The following STPG4 variants were observed in gnomAD, a reference collection of about 807,000 sequenced individuals.
The protein encoded by STPG4 is protein STPG4.
STPG4 carries 41 observed loss-of-function variants against 31.5 expected under a neutral mutation model. The observed-to-expected ratio is 1.30, with a 90% CI of 1.01 to 1.69. STPG4 has a LOEUF of 1.69. Ranked by LOEUF, STPG4 falls within the 40% of genes most tolerant of loss-of-function variation. STPG4 has a pLI of 0.00. For synonymous variants in STPG4, 141 were observed against 103.0 expected, an observed-to-expected ratio of 1.37 and a Z score of -2.24; for missense variants, 375 against 293.4, an observed-to-expected ratio of 1.28 and a Z score of -2.03.
chr2:47,111,743 A>C (rs1686039656), intron 5 of STPG4, among the ~76,000 whole-genome samples: 1 of 152,178 alleles, frequency 6.6e-6, no homozygotes, highest in African/African-American at 2.4e-5. Flanking sequence ...GCACATGTAG[A>C]TACTCTCCTC....
chr2:47,091,620 G>A (rs912112638), intron 5 of STPG4, among the ~76,000 whole-genome samples: 1 of 152,204 alleles, frequency 6.6e-6, no homozygotes, highest in Non-Finnish European at 1.5e-5. Flanking sequence ...GCAGGAGTTA[G>A]GGGAAGTGGG....
intron 5 of STPG4, among the ~76,000 whole-genome samples, chr2:47,113,903 G>A (rs549890943): frequency 4.0e-5 from 6 of 150,816 alleles, no homozygotes; most frequent in Middle Eastern, 3.5e-3. Flanking sequence ...GTGTGGTGGC[G>A]GGCGCCTGTA....
chr2:47,093,810 A>G (rs1685620047), intron 5 of STPG4, among the ~76,000 whole-genome samples: 1 of 152,230 alleles, frequency 6.6e-6, no homozygotes, highest in South Asian at 2.1e-4. Flanking sequence ...GCACTGAGGA[A>G]GTGGATATAA....
At chr2:47,124,711 T>G (rs1480938706) in intron 5 of STPG4, among the ~76,000 whole-genome samples, 1 of 152,240 alleles carries the variant, frequency 6.6e-6, no homozygotes, top group Non-Finnish European at 1.5e-5. Context: ...ATCTTGGTTA[T>G]TGTGAACAGT....
chr2:47,088,396 G>A (rs966888856), intron 6 of STPG4, among the ~76,000 whole-genome samples: 2 of 152,212 alleles, frequency 1.3e-5, no homozygotes, highest in African/African-American at 2.4e-5. Flanking sequence ...GAAGGCATTT[G>A]AGACACCAGT....
intron 5 of STPG4, among the ~76,000 whole-genome samples, chr2:47,123,629 C>T (rs1686314724): frequency 1.3e-5 from 2 of 152,204 alleles, no homozygotes; most frequent in Non-Finnish European, 2.9e-5. Flanking sequence ...GTAAAGGAGC[C>T]GAACATTTTC....
chr2:47,130,103 A>G, intron 4 of STPG4, 93 bp downstream of exon 4: 5 of 1,470,672 alleles, frequency 3.4e-6, no homozygotes, highest in Non-Finnish European at 4.7e-6. Flanking sequence ...GTTAATTTGC[A>G]TATGAGGTGC....
rs10538224 is a variant in STPG4, at chr2:47,121,847, C to CGTGTGTGTGTGTGT, written c.519+8080_519+8093dup. Among the ~76,000 whole-genome samples the CGTGTGTGTGTGTGT allele has an allele frequency of 2.4e-3, 341 of 144,310 alleles. 2 individuals are homozygous for CGTGTGTGTGTGTGT. Among genetic ancestry groups the CGTGTGTGTGTGTGT allele is most frequent in the African/African-American group, 2.9e-3 (112 of 38,120 alleles). 94.7% of individuals were successfully genotyped at this position (144,310 alleles called of 152,430 possible). A position where few individuals can be genotyped will look rare whatever the true frequency, so the allele number is the denominator to read the frequency against. ...TTCTATATTTGAATTGCCCTCTCCT[C>CGTGTGTGTGTGTGT]GTGTGTGTGTGTGTGTGTGTGTGTG... is the stretch of plus-strand genomic sequence containing the variant. On this transcript the variant is annotated intron_variant, in intron 5 of 6. Transcript: ENST00000445927.
At chr2:47,151,221 C>G (rs200221821) in intron 3 of STPG4, 37 bp downstream of exon 3, 2 of 1,608,290 alleles carry the variant, frequency 1.2e-6, no homozygotes, top group African/African-American at 2.7e-5. Flanking sequence ...CTCTTAGTAG[C>G]TTTCCCACAC....
Position 47,104,340 on chromosome 2 carries a change from TC to T in STPG4, c.520-13967del, listed in dbSNP as rs1685859233. On this transcript the variant is annotated intron_variant, in intron 5 of 6. Coordinates refer to ENST00000445927, the MANE Select transcript of STPG4 (RefSeq NM_001163561.2). ...ACGGCTTAGTAAGGAAATGCAGCAG[TC>T]CCTGCAACACCCCAATTCTGGGAGT... Among the ~76,000 whole-genome samples, 3 of 151,976 alleles carry T rather than the reference TC, an allele frequency of 2.0e-5. 1 individual carries two copies. The South Asian group carries it at 6.2e-4, about 32-fold the overall frequency.
intron 3 of STPG4, among the ~76,000 whole-genome samples, chr2:47,133,023 C>CT (rs1240919052): frequency 4.0e-5 from 6 of 151,806 alleles, no homozygotes; most frequent in Non-Finnish European, 5.9e-5. Context: ...TGAAAGGGGG[C>CT]TTTTTTTTCA....
At chr2:47,134,715 A>G (rs2103786440) in intron 3 of STPG4, among the ~76,000 whole-genome samples, 1 of 152,304 alleles carries the variant, frequency 6.6e-6, no homozygotes, top group African/African-American at 2.4e-5. Flanking sequence ...CCTGTGGGTA[A>G]ATACTATGGA....
rs1685557764 is a variant in STPG4, at chr2:47,090,899, G to C, written c.520-525C>G. 3.3e-5 allele frequency among the ~76,000 whole-genome samples: 5 copies of C among 152,114 alleles called. No individual in the cohort carries two copies. In the South Asian group the frequency reaches 8.3e-4, roughly 25 times the overall value. ...AAATAGGTGAACACAATTTTAAAAA[G>C]ACAATCACTCCAGTAGGAAAATTAG... On this transcript the variant is annotated intron_variant, in intron 5 of 6. Transcript: ENST00000445927.
chr2:47,151,206 A>G, intron 3 of STPG4, 52 bp downstream of exon 3: 1 of 1,598,910 alleles, frequency 6.3e-7, no homozygotes, highest in South Asian at 1.1e-5. Context: ...TACTTTCCTC[A>G]GGGGCTCTTA....
intron 5 of STPG4, among the ~76,000 whole-genome samples, chr2:47,101,838 T>C (rs752945166): frequency 3.3e-5 from 5 of 151,900 alleles, no homozygotes; most frequent in South Asian, 2.1e-4. Flanking sequence ...CCTCAGGGTA[T>C]GGCCCTCCAC....
At chr2:47,151,100 G>T (rs535351018) in intron 3 of STPG4, among the ~76,000 whole-genome samples, 158 bp downstream of exon 3, 1 of 152,214 alleles carries the variant, frequency 6.6e-6, no homozygotes, top group African/African-American at 2.4e-5. Context: ...GGAAACATTT[G>T]CAAATCAGGC....
At chr2:47,110,527 A>T (rs1033656862) in intron 5 of STPG4, among the ~76,000 whole-genome samples, 2 of 152,170 alleles carry the variant, frequency 1.3e-5, no homozygotes, top group African/African-American at 4.8e-5. Flanking sequence ...CCAGAATGCA[A>T]AGATTGCAGT....
At chr2:47,138,562 GT>G (rs985783480) in intron 3 of STPG4, among the ~76,000 whole-genome samples, 2 of 151,260 alleles carry the variant, frequency 1.3e-5, no homozygotes, top group Admixed American at 1.3e-4. Flanking sequence ...TGGTTAATTT[GT>G]TTTTTTAGAT....
At chr2:47,115,946 G>C (rs1287756055) in intron 5 of STPG4, among the ~76,000 whole-genome samples, 1 of 152,156 alleles carries the variant, frequency 6.6e-6, no homozygotes, top group East Asian at 1.9e-4. Flanking sequence ...GAGCCACCAG[G>C]CCCGACCTAA....
Sources: gnomAD v4.1 joint callset for allele counts (sites outside exome capture counted in the v4.1 genomes callset) on GRCh38, gnomAD v4.1.1 for gene constraint, MANE v1.5 for transcripts, NCBI Gene and HGNC (gene_info 2026-07-23, HGNC 2026-07-21) for gene names.